The following SLC20A2 variants were observed in gnomAD, a reference collection of about 807,000 sequenced individuals.
SLC20A2 encodes the protein sodium-dependent phosphate transporter 2.
SLC20A2 carries 30 observed loss-of-function variants against 61.0 expected under a neutral mutation model. The ratio of observed to expected loss-of-function variants is 0.49; its 90% CI spans 0.37 to 0.67. The LOEUF is 0.67. Ranked by LOEUF, SLC20A2 falls within the 30% of genes least tolerant of loss-of-function variation. The pLI is 0.00. For missense variants in SLC20A2, 626 were observed against 866.4 expected (o/e 0.72, Z 3.48); for synonymous variants, 351 against 353.3 (o/e 0.99, Z 0.07).
At chr8:42,491,339 G>A (rs1262999721) in intron 1 of SLC20A2, among the ~76,000 whole-genome samples, 2 of 151,828 alleles carry the variant, frequency 1.3e-5, no homozygotes, top group African/African-American at 4.8e-5. Context: ...GTGAAACCCC[G>A]TCTCTACTAA....
At chr8:42,497,816 G>C (rs571826740) in intron 1 of SLC20A2, among the ~76,000 whole-genome samples, 10 of 151,932 alleles carry the variant, frequency 6.6e-5, no homozygotes, top group East Asian at 1.9e-4. Flanking sequence ...TTGGGCACGG[G>C]GGGAGGGACT....
intron 5 of SLC20A2, among the ~76,000 whole-genome samples, chr8:42,445,960 TTTG>T (rs1198742109): frequency 1.3e-5 from 2 of 152,244 alleles, no homozygotes; most frequent in South Asian, 2.1e-4. Context: ...TAAAAGGATT[TTTG>T]TTGTTGTTTA....
chr8:42,477,255 T>C (rs954755120), intron 1 of SLC20A2, among the ~76,000 whole-genome samples: 2 of 152,176 alleles, frequency 1.3e-5, no homozygotes, highest in South Asian at 4.1e-4. Context: ...TTGTAATTAC[T>C]GGCATCGCTG....
chr8:42,449,422 C>T (rs574580259), intron 5 of SLC20A2, among the ~76,000 whole-genome samples: 8 of 152,312 alleles, frequency 5.3e-5, no homozygotes, highest in South Asian at 4.1e-4. Flanking sequence ...AAAGATTAGA[C>T]GAATATTCAA....
chr8:42,417,586 CATATT>C lies in SLC20A2; in HGVS notation c.*212_*216del, dbSNP rs1802747271. ...ATATCACCACGATACCAGTTTAATA[CATATT>C]ATTATGTACAGTAGTTAAGTTAGCT... On this transcript the variant is annotated 3_prime_UTR_variant, in exon 11 of 11. Transcript: ENST00000520262. The C allele has an allele frequency of 1.9e-5, 8 of 423,478 alleles. No homozygotes were observed. The East Asian group carries it at 2.9e-4, about 15-fold the overall frequency. The allele number at this position is 423,478 out of a possible 1,614,324, so 26.2% of individuals were successfully genotyped here. A position where few individuals can be genotyped will look rare whatever the true frequency, so the allele number is the denominator to read the frequency against.
Position 42,428,864 on chromosome 8 carries a change from C to T in SLC20A2, c.1710-22G>A, listed in dbSNP as rs768439356. 117 of 1,554,964 alleles carry T rather than the reference C, an allele frequency of 7.5e-5. 1 individual carries two copies. The highest frequency in any genetic ancestry group is 3.3e-4 in the East Asian group (14 of 41,854). On this transcript the variant is annotated intron_variant, in intron 9 of 10. Transcript: ENST00000520262. Reference sequence around the variant, plus strand: ...GCCGCTGTGGGGGGAGCATGAGACACGTCACAGGTGCCCTCTGTATCAGCC... The same window carrying T: ...GCCGCTGTGGGGGGAGCATGAGACATGTCACAGGTGCCCTCTGTATCAGCC...
intron 1 of SLC20A2, among the ~76,000 whole-genome samples, chr8:42,474,682 T>C (rs1365332144): frequency 6.6e-6 from 1 of 152,154 alleles, no homozygotes; most frequent in Non-Finnish European, 1.5e-5. Context: ...AATATTCAAT[T>C]ATTGATTGAG....
chr8:42,529,957 T>C (rs1030598774), intron 1 of SLC20A2, among the ~76,000 whole-genome samples: 1 of 152,232 alleles, frequency 6.6e-6, no homozygotes, highest in African/African-American at 2.4e-5. Context: ...TATATTTTGA[T>C]CTTTATCAAA....
At chr8:42,492,343 A>G (rs4339629) in intron 1 of SLC20A2, among the ~76,000 whole-genome samples, 55,102 of 152,018 alleles carry the variant, frequency 0.36, 10,103 homozygotes, top group East Asian at 0.39. Context: ...GCAACAGAAC[A>G]AGACTCTGTC....
At chr8:42,517,953 ATTTT>A (rs748942957) in intron 1 of SLC20A2, among the ~76,000 whole-genome samples, 2 of 152,052 alleles carry the variant, frequency 1.3e-5, no homozygotes, top group Non-Finnish European at 2.9e-5. Context: ...TTATTTATTT[ATTTT>A]TGAGACCGAG....
intron 1 of SLC20A2, among the ~76,000 whole-genome samples, chr8:42,514,650 T>C (rs1330499122): frequency 6.6e-6 from 1 of 150,996 alleles, no homozygotes; most frequent in African/African-American, 2.4e-5. Flanking sequence ...CCCAGCTACT[T>C]GGGAGGCTGA....
At chr8:42,507,233 C>T (rs1810762119) in intron 1 of SLC20A2, among the ~76,000 whole-genome samples, 1 of 152,126 alleles carries the variant, frequency 6.6e-6, no homozygotes, top group South Asian at 2.1e-4. Context: ...ACACACATTC[C>T]TCCAAAAAGG....
intron 1 of SLC20A2, among the ~76,000 whole-genome samples, chr8:42,492,432 G>T (rs898275510): frequency 6.6e-6 from 1 of 152,164 alleles, no homozygotes; most frequent in African/African-American, 2.4e-5. Context: ...CTGCAGAGAG[G>T]AATGTCATGA....
chr8:42,460,094 C>G (rs1404217866), intron 4 of SLC20A2, 102 bp from the exon 5 acceptor site: 1 of 685,416 alleles, frequency 1.5e-6, no homozygotes. Context: ...GAAACTCTTC[C>G]CAAACCCCAG....
intron 2 of SLC20A2, among the ~76,000 whole-genome samples, chr8:42,468,297 T>C (rs138384044): frequency 1.2e-4 from 19 of 152,284 alleles, no homozygotes; most frequent in African/African-American, 4.3e-4. Context: ...TCCTGAAAGC[T>C]GCTATATTTT....
At position 42,465,880 on chromosome 8, in the gene SLC20A2, C is replaced by A; in HGVS notation, c.327G>T (p.Arg109Ser). 2 of 1,612,774 alleles carry A rather than the reference C, an allele frequency of 1.2e-6. No individual in the cohort carries two copies. Among genetic ancestry groups the A allele is most frequent in the Non-Finnish European group, 1.7e-6 (2 of 1,179,588 alleles). ...TGCAGTGCGTTCCTGAGATTGGAAG[C>A]CTCAGGAAGGAAGCAATCAGCTGCC... Reference protein sequence around the residue: ...AVWQLIASFLRLPISGTHCIV... With the variant: ...AVWQLIASFLSLPISGTHCIV... The change falls in exon 3 of 11, where the codon AGG becomes AGT. Residue 109 changes from arginine to serine, a missense_variant. By Grantham distance (110) the Arg-to-Ser change is moderately radical. Coordinates refer to ENST00000520262, the MANE Select transcript of SLC20A2 (RefSeq NM_001257180.2).
intron 7 of SLC20A2, among the ~76,000 whole-genome samples, chr8:42,438,192 C>A (rs1804498633): frequency 6.6e-6 from 1 of 151,676 alleles, no homozygotes; most frequent in African/African-American, 2.4e-5. Context: ...TGGCACTTGG[C>A]ACATTTTTTC....
At chr8:42,475,473 G>A (rs778219126) in intron 1 of SLC20A2, among the ~76,000 whole-genome samples, 4 of 151,902 alleles carry the variant, frequency 2.6e-5, no homozygotes, top group Admixed American at 2.6e-4. Context: ...GCAGTGGCGC[G>A]ATCTTGGCTC....
intron 1 of SLC20A2, among the ~76,000 whole-genome samples, chr8:42,507,981 GA>G (rs1446264101): frequency 6.6e-6 from 1 of 152,036 alleles, no homozygotes; most frequent in African/African-American, 2.4e-5. Flanking sequence ...CCAATATGGT[GA>G]AACCCCATCT....
Sources: gnomAD v4.1 joint callset for allele counts (sites outside exome capture counted in the v4.1 genomes callset) on GRCh38, gnomAD v4.1.1 for gene constraint, MANE v1.5 for transcripts, NCBI Gene and HGNC (gene_info 2026-07-23, HGNC 2026-07-21) for gene names.